The following KCNIP4 variants were observed in gnomAD, a reference collection of about 807,000 sequenced individuals.
The protein encoded by KCNIP4 is Kv channel-interacting protein 4.
A neutral mutation model predicts 34.0 loss-of-function variants in KCNIP4; 12 were observed. The observed-to-expected ratio is 0.35, with a 90% CI of 0.23 to 0.57. The LOEUF is 0.57. Ranked by LOEUF, KCNIP4 falls within the 20% of genes least tolerant of loss-of-function variation. The pLI is 0.83. For missense variants in KCNIP4, 238 were observed against 311.7 expected (o/e 0.76, Z 1.78); for synonymous variants, 124 against 102.2 (o/e 1.21, Z -1.29).
chr4:21,210,988 G>A (rs1325953766), intron 1 of KCNIP4, among the ~76,000 whole-genome samples: 1 of 152,118 alleles, frequency 6.6e-6, no homozygotes, highest in African/African-American at 2.4e-5. Context: ...ATAAGGATTT[G>A]TAAGCAATAT....
At chr4:21,510,013 A>G (rs987623290) in intron 1 of KCNIP4, among the ~76,000 whole-genome samples, 6 of 149,986 alleles carry the variant, frequency 4.0e-5, no homozygotes, top group Non-Finnish European at 1.5e-5. Context: ...AGCTACTCGG[A>G]AAGCAGCAAG....
chr4:21,227,443 C>A (rs1758482504), intron 1 of KCNIP4, among the ~76,000 whole-genome samples: 2 of 152,186 alleles, frequency 1.3e-5, no homozygotes, highest in African/African-American at 2.4e-5. Context: ...CTAGTTTTAA[C>A]TTCCCCCTGT....
chr4:21,234,327 A>AT lies in KCNIP4; in HGVS notation c.62-351619dup, dbSNP rs1313049516. Among the ~76,000 whole-genome samples the AT allele has an allele frequency of 4.8e-4, 39 of 80,842 alleles. 12 individuals carry two copies. Among genetic ancestry groups the AT allele is most frequent in the African/African-American group, 2.5e-3 (39 of 15,864 alleles). The allele number at this position is 80,842 out of a possible 152,430, so 53.0% of individuals were successfully genotyped here. A position where few individuals can be genotyped will look rare whatever the true frequency, so the allele number is the denominator to read the frequency against. ...CATATATAACATATATATAACATAT[A>AT]TAAATTATATATAACATACATTATA... On this transcript the variant is annotated intron_variant, in intron 1 of 8. Coordinates refer to ENST00000382152, the MANE Select transcript of KCNIP4 (RefSeq NM_025221.6).
intron 1 of KCNIP4, among the ~76,000 whole-genome samples, chr4:21,536,507 G>A (rs962980710): frequency 2.0e-5 from 3 of 152,018 alleles, no homozygotes; most frequent in South Asian, 2.1e-4. Flanking sequence ...GTCAGGGCAC[G>A]GTGGCTCAAG....
chr4:21,197,288 T>C (rs951824580), intron 1 of KCNIP4, among the ~76,000 whole-genome samples: 3 of 152,186 alleles, frequency 2.0e-5, no homozygotes, highest in African/African-American at 4.8e-5. Flanking sequence ...GTGGAATTGC[T>C]AGCTCAGAGT....
At chr4:20,790,442 CATTTT>C (rs1712588582) in intron 3 of KCNIP4, among the ~76,000 whole-genome samples, 1 of 152,108 alleles carries the variant, frequency 6.6e-6, no homozygotes, top group Non-Finnish European at 1.5e-5. Flanking sequence ...ACTTTACAAA[CATTTT>C]AATTTTTAAA....
chr4:21,835,504 C>A (rs1391884943), intron 1 of KCNIP4, among the ~76,000 whole-genome samples: 2 of 62,064 alleles, frequency 3.2e-5, no homozygotes, highest in Admixed American at 4.9e-4. Context: ...AAGCTCTCAA[C>A]AATTATTAGT....
chr4:21,045,744 C>T (rs1005766709), intron 1 of KCNIP4, among the ~76,000 whole-genome samples: 3 of 152,056 alleles, frequency 2.0e-5, no homozygotes, highest in Non-Finnish European at 2.9e-5. Context: ...ACAGAGAAAC[C>T]TGAAGAGGAA....
chr4:21,902,762 C>A (rs1348477627), intron 1 of KCNIP4, among the ~76,000 whole-genome samples: 2 of 152,022 alleles, frequency 1.3e-5, no homozygotes, highest in Non-Finnish European at 2.9e-5. Flanking sequence ...GACCAGTAGA[C>A]AGAAATATAT....
chr4:21,443,092 A>G (rs1294093762), intron 1 of KCNIP4, among the ~76,000 whole-genome samples: 1 of 152,172 alleles, frequency 6.6e-6, no homozygotes, highest in Non-Finnish European at 1.5e-5. Context: ...ACTTATCAAC[A>G]TTGGAACATT....
chr4:21,846,872 A>C (rs1724051879), intron 1 of KCNIP4: 1 of 152,142 alleles, frequency 6.6e-6, no homozygotes, highest in South Asian at 2.1e-4. Context: ...CTCTGGCAGA[A>C]AGTAGCCAAG....
chr4:21,506,873 C>G (rs1292455961), intron 1 of KCNIP4, among the ~76,000 whole-genome samples: 2 of 151,788 alleles, frequency 1.3e-5, no homozygotes, highest in Non-Finnish European at 2.9e-5. Flanking sequence ...TTCACTGCAG[C>G]CTCAAACTCC....
intron 3 of KCNIP4, among the ~76,000 whole-genome samples, chr4:20,769,222 A>G (rs1316974576): frequency 6.6e-6 from 1 of 152,220 alleles, no homozygotes; most frequent in Non-Finnish European, 1.5e-5. Flanking sequence ...CATTATGTAT[A>G]TAAAGATTCT....
intron 3 of KCNIP4, among the ~76,000 whole-genome samples, chr4:20,819,284 A>G (rs1332336626): frequency 3.9e-5 from 6 of 152,154 alleles, no homozygotes; most frequent in Non-Finnish European, 8.8e-5. Context: ...CACACAAACT[A>G]TATTATGCTG....
chr4:21,545,424 T>A (rs1738061583), intron 1 of KCNIP4, among the ~76,000 whole-genome samples: 1 of 152,190 alleles, frequency 6.6e-6, no homozygotes, highest in African/African-American at 2.4e-5. Flanking sequence ...CTGGGTTACA[T>A]GTGCAGAACG....
intron 1 of KCNIP4, among the ~76,000 whole-genome samples, chr4:21,471,816 C>G (rs1056469314): frequency 6.6e-6 from 1 of 152,104 alleles, no homozygotes. Context: ...AATGAGAGGA[C>G]CTATGGTATC....
chr4:20,758,740 A>G (rs1754691224), intron 4 of KCNIP4, 81 bp downstream of exon 4: 5 of 1,006,098 alleles, frequency 5.0e-6, no homozygotes, highest in Non-Finnish European at 7.8e-6. Flanking sequence ...ATGTAGCATC[A>G]TGCTATGAAA....
chr4:21,471,766 G>C (rs948518676), intron 1 of KCNIP4, among the ~76,000 whole-genome samples: 2 of 152,126 alleles, frequency 1.3e-5, no homozygotes, highest in Admixed American at 6.5e-5. Flanking sequence ...CTATGGGCAA[G>C]ATTCAAAAAG....
intron 1 of KCNIP4, among the ~76,000 whole-genome samples, chr4:21,840,101 GA>G (rs1252233122): frequency 6.6e-6 from 1 of 151,898 alleles, no homozygotes; most frequent in Non-Finnish European, 1.5e-5. Context: ...AAGCACCGCG[GA>G]GGTAAGTTCA....
Sources: gnomAD v4.1 joint callset for allele counts (sites outside exome capture counted in the v4.1 genomes callset) on GRCh38, gnomAD v4.1.1 for gene constraint, MANE v1.5 for transcripts, NCBI Gene and HGNC (gene_info 2026-07-23, HGNC 2026-07-21) for gene names.